The following GNAO1 variants were observed in gnomAD, a reference collection of about 807,000 sequenced individuals.
The protein encoded by GNAO1 is guanine nucleotide-binding protein G(o) subunit alpha.
For synonymous variants in GNAO1, 164 were observed against 180.7 expected, an observed-to-expected ratio of 0.91 and a Z score of 0.74; for missense variants, 166 against 478.7, an observed-to-expected ratio of 0.35 and a Z score of 6.10.
At chr16:56,259,505 G>A (rs1421263009) in intron 2 of GNAO1, among the ~76,000 whole-genome samples, 1 of 152,224 alleles carries the variant, frequency 6.6e-6, no homozygotes, top group Non-Finnish European at 1.5e-5. Flanking sequence ...GAAGTGTCTT[G>A]GGACAGTTGT....
At chr16:56,268,239 A>G (rs765695242) in intron 2 of GNAO1, among the ~76,000 whole-genome samples, 1 of 152,116 alleles carries the variant, frequency 6.6e-6, no homozygotes, top group Non-Finnish European at 1.5e-5. Context: ...AGGGAAAGGA[A>G]CTCTTCATGA....
rs953311069 is a variant in GNAO1, at chr16:56,351,671, G to A, written c.877+134G>A. On this transcript the variant is annotated intron_variant, in intron 7 of 8. Coordinates refer to ENST00000262493, the MANE Select transcript of GNAO1 (RefSeq NM_020988.3). This position sits in a 1 kb window ranked among gnomAD's most constrained non-coding sequence, Gnocchi z 6.1. ...ACCCATTGCAGGAGACTGGTGGGGCGCAAAAGAAAAACAGTGCTGTGCCAC... is the reference window on the plus strand; with the variant it reads ...ACCCATTGCAGGAGACTGGTGGGGCACAAAAGAAAAACAGTGCTGTGCCAC... 8 of 679,206 alleles carry A rather than the reference G, an allele frequency of 1.2e-5. No homozygotes were observed. The highest frequency in any genetic ancestry group is 8.3e-5 in the Admixed American group (3 of 36,290). The allele number at this position is 679,206 out of a possible 1,614,324, so 42.1% of individuals were successfully genotyped here.
chr16:56,200,572 T>C (rs2036273852), intron 2 of GNAO1, among the ~76,000 whole-genome samples: 1 of 152,200 alleles, frequency 6.6e-6, no homozygotes, highest in South Asian at 2.1e-4. Context: ...TAGGTGACAG[T>C]GTTGTATTCA....
At chr16:56,280,862 C>T (rs1267397756) in intron 3 of GNAO1, among the ~76,000 whole-genome samples, 3 of 152,042 alleles carry the variant, frequency 2.0e-5, no homozygotes, top group South Asian at 2.1e-4. Context: ...GGGGGAGGTC[C>T]GCACATATCA....
At chr16:56,247,739 G>A (rs1157204809) in intron 2 of GNAO1, among the ~76,000 whole-genome samples, 2 of 152,150 alleles carry the variant, frequency 1.3e-5, no homozygotes, top group Admixed American at 6.5e-5. Flanking sequence ...CAGGAATGTG[G>A]TTGATGCTTA....
intron 2 of GNAO1, among the ~76,000 whole-genome samples, chr16:56,257,363 T>A (rs2036861531): frequency 6.6e-6 from 1 of 152,196 alleles, no homozygotes; most frequent in African/African-American, 2.4e-5. Context: ...TGGCTGAATG[T>A]CTTTGCATCG....
intron 2 of GNAO1, among the ~76,000 whole-genome samples, chr16:56,234,195 A>C (rs557034903): frequency 2.4e-4 from 37 of 152,362 alleles, no homozygotes; most frequent in African/African-American, 8.9e-4. Context: ...GGCTGTAGGC[A>C]GGAGGTGACA....
intron 2 of GNAO1, among the ~76,000 whole-genome samples, chr16:56,216,960 A>G (rs2036441920): frequency 6.6e-6 from 1 of 152,268 alleles, no homozygotes; most frequent in Non-Finnish European, 1.5e-5. Flanking sequence ...GAGTTAATCC[A>G]GATAAAGCAC....
At chr16:56,208,183 C>T (rs972597441) in intron 2 of GNAO1, among the ~76,000 whole-genome samples, 3 of 152,098 alleles carry the variant, frequency 2.0e-5, no homozygotes, top group Admixed American at 6.5e-5. Context: ...ATTTTCATTG[C>T]TATATAGTAT....
chr16:56,342,984 G>A (rs1293127150), intron 6 of GNAO1, among the ~76,000 whole-genome samples: 21 of 151,854 alleles, frequency 1.4e-4, no homozygotes, highest in African/African-American at 4.4e-4. Flanking sequence ...GTGGCAGCAC[G>A]CACCTATAAT....
At chr16:56,310,114 G>A (rs80037996) in intron 3 of GNAO1, among the ~76,000 whole-genome samples, 4 of 151,822 alleles carry the variant, frequency 2.6e-5, no homozygotes, top group East Asian at 1.9e-4. Flanking sequence ...GAAGACCAGC[G>A]TGGGCAACAT....
At chr16:56,259,096 T>A (rs2036880003) in intron 2 of GNAO1, among the ~76,000 whole-genome samples, 1 of 152,226 alleles carries the variant, frequency 6.6e-6, no homozygotes, top group Non-Finnish European at 1.5e-5. Flanking sequence ...CAAGTCCATG[T>A]TGGAGCTGGG....
intron 2 of GNAO1, among the ~76,000 whole-genome samples, chr16:56,263,744 AT>A (rs1420174885): frequency 3.3e-5 from 5 of 152,340 alleles, no homozygotes; most frequent in Non-Finnish European, 7.3e-5. Flanking sequence ...AGACATAGAT[AT>A]GACCGTGACC....
At chr16:56,218,095 T>G (rs1412394025) in intron 2 of GNAO1, among the ~76,000 whole-genome samples, 1 of 152,262 alleles carries the variant, frequency 6.6e-6, no homozygotes, top group African/African-American at 2.4e-5. Flanking sequence ...TCTGATATTC[T>G]AAGAATTGCC....
At chr16:56,337,860 C>T (rs1396403830) in intron 6 of GNAO1, among the ~76,000 whole-genome samples, 1 of 152,230 alleles carries the variant, frequency 6.6e-6, no homozygotes, top group Admixed American at 6.5e-5. Flanking sequence ...CAAGCCCCAA[C>T]ACTCCTGACA....
intron 2 of GNAO1, among the ~76,000 whole-genome samples, chr16:56,247,602 G>T (rs1367926888): frequency 6.7e-6 from 1 of 149,934 alleles, no homozygotes; most frequent in Non-Finnish European, 1.5e-5. Context: ...ATACATAATA[G>T]GTCCTCAACA....
intron 6 of GNAO1, among the ~76,000 whole-genome samples, chr16:56,342,929 A>C (rs1168006171): frequency 6.6e-6 from 1 of 152,100 alleles, no homozygotes; most frequent in Non-Finnish European, 1.5e-5. Context: ...CCTGGCCAAC[A>C]TGGCGAAAAC....
chr16:56,241,544 A>G (rs992438903), intron 2 of GNAO1, among the ~76,000 whole-genome samples: 1 of 152,218 alleles, frequency 6.6e-6, no homozygotes, highest in Non-Finnish European at 1.5e-5. Context: ...TTCCATGGTT[A>G]TCTCCTATTT....
chr16:56,342,124 G>T (rs2037811340), intron 6 of GNAO1, among the ~76,000 whole-genome samples: 1 of 152,202 alleles, frequency 6.6e-6, no homozygotes, highest in African/African-American at 2.4e-5. Context: ...CCATAGTTGA[G>T]GGCCTGTGGA....
Sources: gnomAD v4.1 joint callset for allele counts (sites outside exome capture counted in the v4.1 genomes callset) on GRCh38, gnomAD v4.1.1 for gene constraint, Gnocchi (gnomAD v3.1) non-coding constraint, MANE v1.5 for transcripts, NCBI Gene and HGNC (gene_info 2026-07-23, HGNC 2026-07-21) for gene names.